MEF2C: variants seen among roughly 807,000 people sequenced by gnomAD.
MEF2C encodes the protein myocyte-specific enhancer factor 2C.
MEF2C carries 6 observed loss-of-function variants against 50.5 expected under a neutral mutation model. The ratio of observed to expected loss-of-function variants is 0.12; its 90% confidence interval spans 0.07 to 0.23. MEF2C has a LOEUF of 0.23. Among genes scored for constraint, MEF2C ranks in the 10% least tolerant of loss-of-function variants. MEF2C has a pLI of 1.00. For synonymous variants in MEF2C, 183 were observed against 228.0 expected (o/e 0.80, Z 1.78); for missense variants, 276 against 605.0 (o/e 0.46, Z 5.70).
chr5:88,815,581 A>T (rs1804930973), intron 2 of MEF2C, among the ~76,000 whole-genome samples: 1 of 151,952 alleles, frequency 6.6e-6, no homozygotes, highest in Non-Finnish European at 1.5e-5. Context: ...TCAATTTTTA[A>T]TTTTTTTCCT....
chr5:88,729,624 G>GA, intron 8 of MEF2C: 1 of 386,612 alleles, frequency 2.6e-6, no homozygotes, highest in South Asian at 2.6e-5. Flanking sequence ...AGACTATGTT[G>GA]AAAACTGATG....
At chr5:88,804,314 G>A (rs927309894) in intron 3 of MEF2C, among the ~76,000 whole-genome samples, 1 of 152,146 alleles carries the variant, frequency 6.6e-6, no homozygotes, top group Non-Finnish European at 1.5e-5. Context: ...ACACAGCTGT[G>A]GACAATGACC....
intron 3 of MEF2C, among the ~76,000 whole-genome samples, chr5:88,790,778 A>G (rs1469965149): frequency 6.6e-6 from 1 of 152,248 alleles, no homozygotes; most frequent in East Asian, 1.9e-4. Flanking sequence ...GTAAGTTGAT[A>G]TATATTGAAT....
At chr5:88,825,160 C>G (rs1210490983) in intron 1 of MEF2C, among the ~76,000 whole-genome samples, 1 of 151,848 alleles carries the variant, frequency 6.6e-6, no homozygotes, top group Non-Finnish European at 1.5e-5. Flanking sequence ...TGTTTGGCTC[C>G]AATTCAAAGT....
At chr5:88,771,532 T>G in intron 3 of MEF2C, 1 of 985,450 alleles carries the variant, frequency 1.0e-6, no homozygotes, top group Non-Finnish European at 1.2e-6. Context: ...GTAATTTATT[T>G]TTTAACATGT....
intron 3 of MEF2C, among the ~76,000 whole-genome samples, chr5:88,777,889 T>C (rs1024139891): frequency 2.3e-3 from 322 of 140,022 alleles, no homozygotes; most frequent in Admixed American, 4.1e-3. Flanking sequence ...GGGTGCTAAA[T>C]TTTTCTTTTC....
intron 1 of MEF2C, 126 bp from the exon 2 acceptor site, chr5:88,824,056 C>CT (rs544082159): frequency 1.0e-4 from 105 of 1,024,220 alleles, no homozygotes; most frequent in Non-Finnish European, 1.2e-4. Context: ...ATAAAAATAA[C>CT]TTTTTTGTTA....
At chr5:88,896,164 A>G (rs929039546) in intron 1 of MEF2C, among the ~76,000 whole-genome samples, 9 of 152,220 alleles carry the variant, frequency 5.9e-5, no homozygotes, top group African/African-American at 9.6e-5. Context: ...TGAACTCTCT[A>G]TCAGCAAAAT....
chr5:88,841,005 GATAA>G (rs1229003202), intron 1 of MEF2C, among the ~76,000 whole-genome samples: 1 of 152,096 alleles, frequency 6.6e-6, no homozygotes, highest in Non-Finnish European at 1.5e-5. Flanking sequence ...AACTTTTAAA[GATAA>G]ATAACACATG....
rs149200380 is a variant in MEF2C at position 88,828,511 on chromosome 5, C to T, written c.-142-4581G>A. 6.6e-5 allele frequency among the ~76,000 whole-genome samples: 10 copies of T among 152,102 alleles called. No individual in the cohort carries two copies. The East Asian group carries it at 1.9e-3, about 29-fold the overall frequency. The stretch of plus-strand genomic sequence containing the variant: ...AAAACTCAAAGCTGAAAACTGAGCA[C>T]ACTCTATCACACAACACTAAATAAT... On this transcript the variant is annotated intron_variant, in intron 1 of 10. Coordinates refer to ENST00000504921, the MANE Select transcript of MEF2C (RefSeq NM_002397.5).
intron 1 of MEF2C, among the ~76,000 whole-genome samples, chr5:88,873,550 G>C (rs1830156027): frequency 6.6e-6 from 1 of 151,748 alleles, no homozygotes; most frequent in South Asian, 2.1e-4. Context: ...GAGAAGCGGA[G>C]GGAAAAAATC....
chr5:88,827,506 A>G (rs74316738), intron 1 of MEF2C, among the ~76,000 whole-genome samples: 2 of 152,100 alleles, frequency 1.3e-5, no homozygotes, highest in East Asian at 1.9e-4. Context: ...CCCCACACAC[A>G]GAGGCCTTGG....
rs1011181843 is a variant in MEF2C at position 88,740,900 on chromosome 5, G to A, written c.637+8170C>T. ...GGGTGTCTTCATTATTGACACAATCGCTCATTCTTTCAGTCATTTTTATAA... is the reference window on the plus strand; with the variant it reads ...GGGTGTCTTCATTATTGACACAATCACTCATTCTTTCAGTCATTTTTATAA... On this transcript the variant is annotated intron_variant, in intron 6 of 10. Coordinates refer to ENST00000504921, the MANE Select transcript of MEF2C (RefSeq NM_002397.5). The A allele has an allele frequency of 1.2e-5, 12 of 985,094 alleles. No homozygotes were observed. In the African/African-American group the frequency reaches 1.6e-4, roughly 13 times the overall value. The allele number at this position is 985,094 out of a possible 1,614,324, so 61.0% of individuals were successfully genotyped here. A position where few individuals can be genotyped will look rare whatever the true frequency, so the allele number is the denominator to read the frequency against.
intron 6 of MEF2C, chr5:88,741,778 A>G (rs1766941404): frequency 1.0e-6 from 1 of 985,248 alleles, no homozygotes. Context: ...AATTGTAAAA[A>G]GAAGGCATAA....
chr5:88,744,273 G>T, intron 6 of MEF2C: 1 of 511,400 alleles, frequency 2.0e-6, no homozygotes, highest in Non-Finnish European at 2.5e-6. Flanking sequence ...CTTTAATGTG[G>T]TCAGGCATGG....
intron 3 of MEF2C, among the ~76,000 whole-genome samples, chr5:88,776,475 A>C (rs142717712): frequency 6.6e-6 from 1 of 152,040 alleles, no homozygotes; most frequent in East Asian, 1.9e-4. Flanking sequence ...TTGATCAACA[A>C]CTCCTCATTC....
chr5:88,824,414 G>A (rs949507114), intron 1 of MEF2C: 34 of 884,382 alleles, frequency 3.8e-5, no homozygotes, highest in Non-Finnish European at 4.5e-5. Context: ...TAGGATGGAC[G>A]ATTATGAAAG....
intron 1 of MEF2C, among the ~76,000 whole-genome samples, chr5:88,903,218 A>G (rs1835840625): frequency 6.6e-6 from 1 of 151,868 alleles, no homozygotes; most frequent in Non-Finnish European, 1.5e-5. Context: ...GTGATGTAAA[A>G]ACATGCTTTA....
At chr5:88,735,110 T>C (rs779033277) in intron 6 of MEF2C, 80 of 985,276 alleles carry the variant, frequency 8.1e-5, no homozygotes, top group Non-Finnish European at 9.6e-5. Flanking sequence ...TAGAAACCTA[T>C]GATTTGAAAA....
Sources: gnomAD v4.1 joint callset for allele counts (sites outside exome capture counted in the v4.1 genomes callset) on GRCh38, gnomAD v4.1.1 for gene constraint, MANE v1.5 for transcripts, NCBI Gene and HGNC (gene_info 2026-07-23, HGNC 2026-07-21) for gene names.